Variants in RTRAF observed in about 807,000 individuals in gnomAD.
RTRAF encodes RNA transcription, translation and transport factor.
A neutral mutation model predicts 34.4 loss-of-function variants in RTRAF; 14 were observed. The ratio of observed to expected loss-of-function variants is 0.41; its 90% CI spans 0.27 to 0.64. RTRAF has a LOEUF of 0.64. RTRAF is among the 30% of genes least tolerant of loss of function. The pLI, the probability that RTRAF is intolerant of heterozygous loss-of-function variation, is 0.34. For missense variants in RTRAF, 291 were observed against 288.4 expected, an observed-to-expected ratio of 1.01 and a Z score of -0.06; for synonymous variants, 96 against 95.3, an observed-to-expected ratio of 1.01 and a Z score of -0.04.
chr14:51,992,312 G>A (rs902654654), intron 2 of RTRAF, among the ~76,000 whole-genome samples: 6 of 152,158 alleles, frequency 3.9e-5, no homozygotes, highest in African/African-American at 1.2e-4. Context: ...TTTCATTTGC[G>A]AGAGCAGTGT....
rs1890893877 is a variant in RTRAF at position 52,008,804 on chromosome 14, GTTCT to G, written c.*4294_*4297del. 1 of 152,188 alleles carries G rather than the reference GTTCT, an allele frequency of 6.6e-6. No individual in the cohort carries two copies. The highest frequency in any genetic ancestry group is 1.5e-5 in the Non-Finnish European group (1 of 68,028). 9.4% of individuals were successfully genotyped at this position (152,188 alleles called of 1,614,324 possible). On this transcript the variant is annotated 3_prime_UTR_variant, in exon 8 of 8. Transcript: ENST00000261700. ...GGACCAGGGATTTGAGAAGGAAACT[GTTCT>G]TTCTTCTGCCAAAAATACAATTTGG...
rs567225898 is a variant in RTRAF, at chr14:52,008,230, A to T, written c.*3714A>T. 2 of 331,554 alleles carry T rather than the reference A, an allele frequency of 6.0e-6. No individual in the cohort carries two copies. Among genetic ancestry groups the T allele is most frequent in the African/African-American group, 4.3e-5 (2 of 46,684 alleles). 20.5% of individuals were successfully genotyped at this position (331,554 alleles called of 1,614,324 possible). A position where few individuals can be genotyped will look rare whatever the true frequency, so the allele number is the denominator to read the frequency against. ...TCTTGCTCCCTTTGAGGGAAGCTGGATGCCATGTTGCAAGCTACCCTGTAA... is the reference window on the plus strand; with the variant it reads ...TCTTGCTCCCTTTGAGGGAAGCTGGTTGCCATGTTGCAAGCTACCCTGTAA... On this transcript the variant is annotated 3_prime_UTR_variant, in exon 8 of 8. Coordinates refer to ENST00000261700, the MANE Select transcript of RTRAF (RefSeq NM_016039.3).
At chr14:51,992,392 T>C (rs1261544371) in intron 2 of RTRAF, among the ~76,000 whole-genome samples, 1 of 152,214 alleles carries the variant, frequency 6.6e-6, no homozygotes, top group Non-Finnish European at 1.5e-5. Flanking sequence ...ATCATTGTTA[T>C]TAACCTTTCC....
intron 3 of RTRAF, among the ~76,000 whole-genome samples, chr14:51,997,212 C>T (rs1311195869): frequency 6.6e-6 from 1 of 151,836 alleles, no homozygotes; most frequent in Non-Finnish European, 1.5e-5. Context: ...CCTCAAGTTT[C>T]CCCCACTAGT....
At position 52,005,317 on chromosome 14, in the gene RTRAF, A is replaced by C; in HGVS notation, c.*801A>C. On this transcript the variant is annotated 3_prime_UTR_variant, in exon 8 of 8. Transcript: ENST00000261700. ...TTTAAAAATACAGTAGTAAAGATTG[A>C]GGTATCAGCTTTTCACAAAAGTCTT... 2.1e-6 allele frequency: 1 copy of C among 471,442 alleles called. No individual in the cohort carries two copies. Among genetic ancestry groups the C allele is most frequent in the Non-Finnish European group, 3.6e-6 (1 of 274,842 alleles). 29.2% of individuals were successfully genotyped at this position (471,442 alleles called of 1,614,324 possible). A position where few individuals can be genotyped will look rare whatever the true frequency, so the allele number is the denominator to read the frequency against.
At position 52,005,309 on chromosome 14, in the gene RTRAF, A is replaced by T. The variant is rs1161606062; in HGVS notation, c.*793A>T. 2.2e-6 allele frequency: 1 copy of T among 459,736 alleles called. No homozygotes were observed. Among genetic ancestry groups the T allele is most frequent in the Non-Finnish European group, 3.7e-6 (1 of 268,096 alleles). The allele number at this position is 459,736 out of a possible 1,614,324, so 28.5% of individuals were successfully genotyped here. A position where few individuals can be genotyped will look rare whatever the true frequency, so the allele number is the denominator to read the frequency against. The stretch of plus-strand genomic sequence containing the variant: ...CCTTCATTTTTAAAAATACAGTAGT[A>T]AAGATTGAGGTATCAGCTTTTCACA... On this transcript the variant is annotated 3_prime_UTR_variant, in exon 8 of 8. Transcript: ENST00000261700.
At position 52,006,715 on chromosome 14, in the gene RTRAF, A is replaced by G. The variant is rs73301064; in HGVS notation, c.*2199A>G. 1.1e-3 allele frequency: 1,780 copies of G among 1,586,962 alleles called. 15 individuals carry two copies. In the African/African-American group the frequency reaches 0.021, roughly 19 times the overall value. On this transcript the variant is annotated 3_prime_UTR_variant, in exon 8 of 8. Transcript: ENST00000261700. ...CTTCAGCTGCTTTGCCAAAAATGAT[A>G]GTGACATAGTGATAGTGACACAGTG...
Position 51,998,548 on chromosome 14 carries a change from C to T in RTRAF, c.341C>T (p.Thr114Ile), listed in dbSNP as rs748865536. ...AATTCAAAAACTGCTGACAATGCAA[C>T]TAAAAATGCAGAACCATTGATCAAT... is the stretch of plus-strand genomic sequence containing the variant. Reference protein sequence around the residue: ...PDNSKTADNATKNAEPLINLD... With the variant: ...PDNSKTADNAIKNAEPLINLD... Residue 114 changes from threonine (T) to isoleucine (I), a missense_variant, in exon 4 of 8, where the codon ACT becomes ATT. Coordinates refer to ENST00000261700, the MANE Select transcript of RTRAF (RefSeq NM_016039.3). The T allele has an allele frequency of 1.3e-6, 2 of 1,592,366 alleles. No homozygotes were observed. The highest frequency in any genetic ancestry group is 1.4e-5 in the African/African-American group (1 of 73,596).
chr14:52,006,480 G>A lies in RTRAF; in HGVS notation c.*1964G>A. 6.2e-7 allele frequency: 1 copy of A among 1,604,398 alleles called. No individual in the cohort carries two copies. Among genetic ancestry groups the A allele is most frequent in the East Asian group, 2.2e-5 (1 of 44,680 alleles). The stretch of plus-strand genomic sequence containing the variant: ...GTACTGACTTTTGGTAAAACAAGTG[G>A]TGTGTCCTCTGGAACAGTTGGCCTT... On this transcript the variant is annotated 3_prime_UTR_variant, in exon 8 of 8. Transcript: ENST00000261700.
Position 52,006,455 on chromosome 14 carries a change from G to A in RTRAF, c.*1939G>A. 1 of 1,514,456 alleles carries A rather than the reference G, an allele frequency of 6.6e-7. No homozygotes were observed. The highest frequency in any genetic ancestry group is 1.2e-5 in the South Asian group (1 of 83,886). The allele number at this position is 1,514,456 out of a possible 1,614,324, so 93.8% of individuals were successfully genotyped here. On this transcript the variant is annotated 3_prime_UTR_variant, in exon 8 of 8. Coordinates refer to ENST00000261700, the MANE Select transcript of RTRAF (RefSeq NM_016039.3). The stretch of plus-strand genomic sequence containing the variant: ...CAGAGGGCTTAATGAGTCAAGTCAG[G>A]TACTGACTTTTGGTAAAACAAGTGG...
Position 52,008,964 on chromosome 14 carries a change from G to A in RTRAF, c.*4448G>A, listed in dbSNP as rs1890902368. On this transcript the variant is annotated 3_prime_UTR_variant, in exon 8 of 8. Transcript: ENST00000261700. ...CGAGGAAATATGGTCCTATTAAGTG[G>A]AAATAGGTTATAAGGAAACAAACAG... 6.6e-6 allele frequency: 1 copy of A among 152,174 alleles called. No homozygotes were observed. The highest frequency in any genetic ancestry group is 2.1e-4 in the South Asian group (1 of 4,828). The allele number at this position is 152,174 out of a possible 1,614,324, so 9.4% of individuals were successfully genotyped here.
chr14:51,995,381 G>T (rs2140328136), intron 3 of RTRAF, among the ~76,000 whole-genome samples: 1 of 152,052 alleles, frequency 6.6e-6, no homozygotes, highest in South Asian at 2.1e-4. Context: ...TAGCAGCATA[G>T]CATTTTCCAG....
rs1224349614 is a variant in RTRAF, at chr14:52,008,954, C to G, written c.*4438C>G. Reference sequence around the variant, plus strand: ...CAGATACTAACGAGGAAATATGGTCCTATTAAGTGGAAATAGGTTATAAGG... The same window carrying G: ...CAGATACTAACGAGGAAATATGGTCGTATTAAGTGGAAATAGGTTATAAGG... On this transcript the variant is annotated 3_prime_UTR_variant, in exon 8 of 8. Transcript: ENST00000261700. 1 of 152,094 alleles carries G rather than the reference C, an allele frequency of 6.6e-6. No individual in the cohort carries two copies. The highest frequency in any genetic ancestry group is 2.4e-5 in the African/African-American group (1 of 41,398). 9.4% of individuals were successfully genotyped at this position (152,094 alleles called of 1,614,324 possible).
intron 1 of RTRAF, among the ~76,000 whole-genome samples, 154 bp downstream of exon 1, chr14:51,989,854 G>A (rs920583014): frequency 6.6e-6 from 1 of 152,196 alleles, no homozygotes; most frequent in African/African-American, 2.4e-5. Context: ...CACGTACCTC[G>A]GCTCTTCGCC....
chr14:51,996,080 A>G (rs1890517612), intron 3 of RTRAF, among the ~76,000 whole-genome samples: 1 of 152,102 alleles, frequency 6.6e-6, no homozygotes, highest in Non-Finnish European at 1.5e-5. Flanking sequence ...GGTCATGTAT[A>G]CCTGCAGTTG....
chr14:52,005,908 GTCA>G lies in RTRAF; in HGVS notation c.*1393_*1395del. On this transcript the variant is annotated 3_prime_UTR_variant, in exon 8 of 8. Coordinates refer to ENST00000261700, the MANE Select transcript of RTRAF (RefSeq NM_016039.3). Reference sequence around the variant, plus strand: ...AGTCATTTACTAGATAAAGAAGTCAGTCAGCCACAGAAAATCAGTTGCAATAGA... The same window carrying G: ...AGTCATTTACTAGATAAAGAAGTCAGGCCACAGAAAATCAGTTGCAATAGA... The G allele has an allele frequency of 7.7e-7, 1 of 1,292,860 alleles. No individual in the cohort carries two copies. Among genetic ancestry groups the G allele is most frequent in the Non-Finnish European group, 1.1e-6 (1 of 890,682 alleles). 80.1% of individuals were successfully genotyped at this position (1,292,860 alleles called of 1,614,324 possible).
rs1234812708 is a variant in RTRAF, at chr14:51,998,515, T to G, written c.308T>G (p.Val103Gly). 1 of 1,585,264 alleles carries G rather than the reference T, an allele frequency of 6.3e-7. No homozygotes were observed. Among genetic ancestry groups the G allele is most frequent in the Non-Finnish European group, 8.6e-7 (1 of 1,164,946 alleles). ...ATAGCTGAAAAATACAAGGATTTAG[T>G]ACCTGATAATTCAAAAACTGCTGAC... ...GDNAEKYKDL[V>G]PDNSKTADNA... Residue 103 changes from valine to glycine, a missense_variant, in exon 4 of 8, where the codon GTA becomes GGA. By Grantham distance (109) the Val-to-Gly change is moderately radical. Coordinates refer to ENST00000261700, the MANE Select transcript of RTRAF (RefSeq NM_016039.3).
intron 4 of RTRAF, 35 bp from the exon 5 acceptor site, chr14:51,999,673 G>C: frequency 2.1e-6 from 3 of 1,406,290 alleles, no homozygotes; most frequent in Non-Finnish European, 3.0e-6. Flanking sequence ...CGTTTGCAGG[G>C]TTGTAAGTTT....
At chr14:51,996,865 T>C (rs1890529476) in intron 3 of RTRAF, among the ~76,000 whole-genome samples, 2 of 152,070 alleles carry the variant, frequency 1.3e-5, no homozygotes. Context: ...TTGTTACATC[T>C]GTCTTAGTAT....
Sources: allele counts gnomAD v4.1 joint callset (sites outside exome capture counted in the v4.1 genomes callset), GRCh38; gene constraint gnomAD v4.1.1; transcripts MANE v1.5; gene names NCBI Gene and HGNC (gene_info 2026-07-23, HGNC 2026-07-21).